The following PVALB variants were observed in gnomAD, a reference collection of about 807,000 sequenced individuals.
PVALB encodes parvalbumin.
A neutral mutation model predicts 10.9 loss-of-function variants in PVALB; 11 were observed. That is an observed-to-expected ratio of 1.01 (90% CI 0.63 to 1.67). The LOEUF (loss-of-function observed/expected upper bound fraction) is 1.67. Ranked by LOEUF, PVALB falls within the 40% of genes most tolerant of loss-of-function variation. The pLI is 0.00. For synonymous variants in PVALB, 57 were observed against 50.7 expected (o/e 1.12, Z -0.53); for missense variants, 131 against 136.2 (o/e 0.96, Z 0.19).
intron 3 of PVALB, among the ~76,000 whole-genome samples, chr22:36,804,386 C>G (rs989132459): frequency 7.9e-5 from 12 of 152,184 alleles, no homozygotes; most frequent in Non-Finnish European, 1.5e-5. Context: ...CCTCTGCCCA[C>G]CCTGCAATCT....
rs1176141660 is a variant in PVALB at position 36,800,821 on chromosome 22, G to C, written c.*69C>G. ...AACGAACTGAACAGAAATGCAGGAG[G>C]GTGGCGAGAGGGGCCGAGATTGGGT... is the stretch of plus-strand genomic sequence containing the variant. On this transcript the variant is annotated 3_prime_UTR_variant, in exon 4 of 4. Transcript: ENST00000417718. The C allele has an allele frequency of 6.7e-6, 10 of 1,489,634 alleles. No individual in the cohort carries two copies. Among genetic ancestry groups the C allele is most frequent in the Non-Finnish European group, 9.4e-6 (10 of 1,066,802 alleles). The allele number at this position is 1,489,634 out of a possible 1,614,324, so 92.3% of individuals were successfully genotyped here.
At chr22:36,802,623 A>AAAAAAAAAAAAG (rs1555910493) in intron 3 of PVALB, among the ~76,000 whole-genome samples, 1 of 119,042 alleles carries the variant, frequency 8.4e-6, no homozygotes, top group African/African-American at 3.8e-5. Context: ...AAAAAAAAAA[A>AAAAAAAAAAAAG]AAAGAAAGAA....
At chr22:36,816,916 G>A (rs1939148485) in intron 1 of PVALB, 29 bp downstream of exon 1, 2 of 1,581,674 alleles carry the variant, frequency 1.3e-6, no homozygotes, top group African/African-American at 1.4e-5. Context: ...CGAGGGGAGA[G>A]GGATGGGGAG....
intron 3 of PVALB, among the ~76,000 whole-genome samples, chr22:36,812,017 T>TCAACAA (rs1039336764): frequency 1.3e-5 from 2 of 151,798 alleles, no homozygotes; most frequent in Admixed American, 6.6e-5. Context: ...AGAAAAGAAA[T>TCAACAA]CAACAACAAC....
chr22:36,813,004 C>T (rs1471098190), intron 3 of PVALB, among the ~76,000 whole-genome samples: 1 of 152,214 alleles, frequency 6.6e-6, no homozygotes, highest in Non-Finnish European at 1.5e-5. Flanking sequence ...GACATTGAAG[C>T]CTGCAAAGCA....
At chr22:36,810,884 C>G (rs1000296575) in intron 3 of PVALB, among the ~76,000 whole-genome samples, 2 of 152,238 alleles carry the variant, frequency 1.3e-5, no homozygotes, top group African/African-American at 4.8e-5. Flanking sequence ...CCTCCAAGTC[C>G]GTACAAAATG....
chr22:36,815,180 C>G lies in PVALB; in HGVS notation c.117G>C (p.Lys39Asn). 7 of 1,614,222 alleles carry G rather than the reference C, an allele frequency of 4.3e-6. No individual in the cohort carries two copies. Among genetic ancestry groups the G allele is most frequent in the Non-Finnish European group, 2.5e-6 (3 of 1,180,038 alleles). Residue 39 changes from lysine to asparagine, a missense_variant, in exon 2 of 4, where the codon AAG becomes AAC. Lys to Asn is a moderately conservative substitution (Grantham distance 94). Transcript: ENST00000417718. ...ACACCTTCTTCACATCATCCGCACT[C>G]TTTTTCTTCAGGCCGACCATTTGGA... ...KFFQMVGLKK[K>N]SADDVKKVFH...
At chr22:36,817,076 A>G, upstream of PVALB, 15 of 1,449,528 alleles carry the variant, frequency 1.0e-5, no homozygotes, top group Non-Finnish European at 1.4e-5. Context: ...ATTTCTGCTC[A>G]TATGACCAGC....
intron 3 of PVALB, among the ~76,000 whole-genome samples, chr22:36,804,489 T>C (rs181553580): frequency 6.6e-6 from 1 of 152,306 alleles, no homozygotes; most frequent in Non-Finnish European, 1.5e-5. Context: ...GAACCTTCAA[T>C]AGGGGACTTT....
intron 3 of PVALB, among the ~76,000 whole-genome samples, chr22:36,810,510 C>T (rs2145950469): frequency 6.6e-6 from 1 of 152,296 alleles, no homozygotes; most frequent in South Asian, 2.1e-4. Context: ...GGTCTGTGCT[C>T]ATTGTCTATT....
At chr22:36,802,122 T>C (rs923158061) in intron 3 of PVALB, among the ~76,000 whole-genome samples, 1 of 152,132 alleles carries the variant, frequency 6.6e-6, no homozygotes, top group African/African-American at 2.4e-5. Context: ...ACCTATCCAG[T>C]TTCTTAGTTT....
intron 3 of PVALB, among the ~76,000 whole-genome samples, chr22:36,801,211 G>A (rs1437295919): frequency 6.6e-6 from 1 of 152,016 alleles, no homozygotes; most frequent in African/African-American, 2.4e-5. Flanking sequence ...AATAATAATA[G>A]TTTTCTGAAT....
upstream of PVALB, among the ~76,000 whole-genome samples, chr22:36,819,258 G>A (rs1939200827): frequency 6.6e-6 from 1 of 152,152 alleles, no homozygotes; most frequent in African/African-American, 2.4e-5. Context: ...AGTCTGGGTG[G>A]AGAAGCAGGA....
upstream of PVALB, chr22:36,817,044 A>G (rs779026955): frequency 5.7e-6 from 9 of 1,581,354 alleles, no homozygotes; most frequent in South Asian, 1.0e-4. Context: ...GTGCGAAAAG[A>G]TTAAAAAGTG....
chr22:36,807,823 G>T (rs1016526822), intron 3 of PVALB, among the ~76,000 whole-genome samples: 1 of 152,108 alleles, frequency 6.6e-6, no homozygotes, highest in Non-Finnish European at 1.5e-5. Context: ...CGCCTCTCAC[G>T]GTAAATAGGC....
At chr22:36,817,256 G>A (rs1661563549), upstream of PVALB, 3 of 330,966 alleles carry the variant, frequency 9.1e-6, no homozygotes, top group South Asian at 1.5e-4. Flanking sequence ...CAGGCCAGGG[G>A]TCCGCGGGAT....
chr22:36,805,164 G>A (rs1938930519), intron 3 of PVALB, among the ~76,000 whole-genome samples: 1 of 152,152 alleles, frequency 6.6e-6, no homozygotes, highest in Non-Finnish European at 1.5e-5. Context: ...CGCCTTTCCA[G>A]CTGTCACACG....
intron 3 of PVALB, among the ~76,000 whole-genome samples, chr22:36,808,681 A>G (rs1173898277): frequency 6.6e-6 from 1 of 152,238 alleles, no homozygotes; most frequent in Non-Finnish European, 1.5e-5. Flanking sequence ...CTGTGTTGCC[A>G]TAGGCCCTCC....
intron 3 of PVALB, among the ~76,000 whole-genome samples, chr22:36,802,078 C>T (rs1408072489): frequency 6.6e-6 from 1 of 152,158 alleles, no homozygotes; most frequent in African/African-American, 2.4e-5. Context: ...TGCGTCCTCC[C>T]TGGACTTTGT....
Sources: gnomAD v4.1 joint callset for allele counts (sites outside exome capture counted in the v4.1 genomes callset) on GRCh38, gnomAD v4.1.1 for gene constraint, MANE v1.5 for transcripts, NCBI Gene and HGNC (gene_info 2026-07-23, HGNC 2026-07-21) for gene names.